CFAP96: variants seen among roughly 807,000 people sequenced by gnomAD.
CFAP96 encodes cilia and flagella associated protein 96, also known as cilia-and flagella-associated protein 96.
the CFAP96 span, among the ~76,000 whole-genome samples, chr4:185,428,866 A>ACCTCAATGTTAC: frequency 2.4e-4 from 37 of 152,300 alleles, no homozygotes; most frequent in South Asian, 1.0e-3. Context: ...GTAGGGTAAT[A>ACCTCAATGTTAC]CCTCAATGTG....
chr4:185,429,358 C>T, the CFAP96 span: 1 of 1,076,814 alleles, frequency 9.3e-7, no homozygotes. Flanking sequence ...ACACGTGACC[C>T]TAGGGAAACT....
At chr4:185,425,251 G>A in the CFAP96 span, among the ~76,000 whole-genome samples, 1 of 152,134 alleles carries the variant, frequency 6.6e-6, no homozygotes, top group Non-Finnish European at 1.5e-5. Flanking sequence ...GGTTCCTGGA[G>A]GAAGAGCAGG....
At chr4:185,435,049 G>A in the CFAP96 span, among the ~76,000 whole-genome samples, 4 of 152,228 alleles carry the variant, frequency 2.6e-5, no homozygotes, top group East Asian at 1.9e-4. Flanking sequence ...CCCCGGAACC[G>A]TAGGCATTTA....
chr4:185,413,979 A>G, the CFAP96 span: 89 of 1,003,234 alleles, frequency 8.9e-5, 2 homozygotes, highest in Middle Eastern at 2.6e-3. Flanking sequence ...ATAGGTTATA[A>G]AAGTTTCCAA....
At chr4:185,430,136 T>TG in the CFAP96 span, among the ~76,000 whole-genome samples, 1 of 152,218 alleles carries the variant, frequency 6.6e-6, no homozygotes, top group Non-Finnish European at 1.5e-5. Context: ...CATTTACATT[T>TG]GCGTCCAAGA....
At chr4:185,448,544 C>G in the CFAP96 span, among the ~76,000 whole-genome samples, 19 of 152,220 alleles carry the variant, frequency 1.2e-4, no homozygotes, top group South Asian at 3.5e-3. Flanking sequence ...CACTGAACCA[C>G]GATTCCCCTA....
chr4:185,432,582 G>T, the CFAP96 span, among the ~76,000 whole-genome samples: 3 of 152,112 alleles, frequency 2.0e-5, no homozygotes, highest in South Asian at 4.1e-4. Flanking sequence ...AAAATATGAG[G>T]CTGGGTGCAG....
At chr4:185,426,545 T>G in the CFAP96 span, 1 of 152,458 alleles carries the variant, frequency 6.6e-6, no homozygotes, top group African/African-American at 2.4e-5. Context: ...TCCGTACCTT[T>G]TGCAAGGGAA....
chr4:185,446,190 A>G, the CFAP96 span, among the ~76,000 whole-genome samples: 5 of 152,230 alleles, frequency 3.3e-5, no homozygotes, highest in African/African-American at 4.8e-5. Context: ...AGAACAATGT[A>G]TTTATCAGCA....
chr4:185,411,058 G>C, the CFAP96 span, among the ~76,000 whole-genome samples: 1 of 147,142 alleles, frequency 6.8e-6, no homozygotes, highest in African/African-American at 2.5e-5. Context: ...AGAAAGTAAA[G>C]AGCAAAAATT....
chr4:185,447,251 G>A, the CFAP96 span, among the ~76,000 whole-genome samples: 21 of 151,200 alleles, frequency 1.4e-4, no homozygotes, highest in African/African-American at 3.4e-4. Flanking sequence ...GCACGATCTC[G>A]GCTCACTGCA....
At chr4:185,420,796 T>G in the CFAP96 span, among the ~76,000 whole-genome samples, 4 of 152,206 alleles carry the variant, frequency 2.6e-5, no homozygotes, top group Admixed American at 2.6e-4. Flanking sequence ...TTGTTGAGTG[T>G]TGACAGAGTT....
At chr4:185,436,046 A>G in the CFAP96 span, 1 of 1,521,456 alleles carries the variant, frequency 6.6e-7, no homozygotes, top group Admixed American at 2.3e-5. Context: ...TGTATTTAAG[A>G]TGTGGCTTAG....
At chr4:185,448,366 A>G in the CFAP96 span, among the ~76,000 whole-genome samples, 1 of 152,108 alleles carries the variant, frequency 6.6e-6, no homozygotes. Context: ...CTTAACTCAT[A>G]TGGGTTTTAT....
the CFAP96 span, among the ~76,000 whole-genome samples, chr4:185,439,777 A>C: frequency 7.2e-6 from 1 of 139,600 alleles, no homozygotes; most frequent in South Asian, 2.4e-4. Flanking sequence ...ATGTATCTAT[A>C]TCTCATATAT....
chr4:185,422,657 A>T, the CFAP96 span: 1 of 822,908 alleles, frequency 1.2e-6, no homozygotes, highest in Non-Finnish European at 1.9e-6. Context: ...TTAAGACATT[A>T]ATTAACCTTG....
At chr4:185,444,901 A>G in the CFAP96 span, 3 of 1,442,278 alleles carry the variant, frequency 2.1e-6, no homozygotes, top group South Asian at 1.3e-5. Flanking sequence ...GAACTTCTTC[A>G]CAAGCTAATT....
chr4:185,408,807 C>T, the CFAP96 span, among the ~76,000 whole-genome samples: 62 of 152,306 alleles, frequency 4.1e-4, no homozygotes, highest in African/African-American at 1.5e-3. Context: ...TGCACTCTTA[C>T]TTCACTCAGG....
At chr4:185,435,975 T>C in the CFAP96 span, 4 of 1,215,356 alleles carry the variant, frequency 3.3e-6, no homozygotes, top group Non-Finnish European at 4.5e-6. Flanking sequence ...GTTTAAAAAT[T>C]ATGATAAAAT....
Sources: allele counts gnomAD v4.1 joint callset (sites outside exome capture counted in the v4.1 genomes callset), GRCh38; gene constraint gnomAD v4.1.1; transcripts MANE v1.5; gene names NCBI Gene and HGNC (gene_info 2026-07-23, HGNC 2026-07-21).